Variants in CCL23 observed in about 807,000 individuals in gnomAD.
The protein encoded by CCL23 is C-C motif chemokine ligand 23.
CCL23 carries 10 observed loss-of-function variants against 11.8 expected under a neutral mutation model. That is an observed-to-expected ratio of 0.84 (90% confidence interval 0.52 to 1.43). The LOEUF is 1.43. CCL23 is among the 40% of genes most tolerant of loss of function. The pLI, the probability that CCL23 is intolerant of heterozygous loss-of-function variation, is 0.00. For synonymous variants in CCL23, 60 were observed against 61.0 expected, an observed-to-expected ratio of 0.98 and a Z score of 0.07; for missense variants, 181 against 170.9, an observed-to-expected ratio of 1.06 and a Z score of -0.33.
intron 1 of CCL23, among the ~76,000 whole-genome samples, chr17:36,017,044 T>C (rs1205011160): frequency 5.3e-5 from 8 of 152,120 alleles, no homozygotes; most frequent in Non-Finnish European, 2.9e-5. Flanking sequence ...AAAAAAAAGA[T>C]CTTAAATGGC....
rs184366839 is a variant in CCL23, at chr17:36,013,586, C to A, written c.302+158G>T. 85 of 686,018 alleles carry A rather than the reference C, an allele frequency of 1.2e-4. 1 individual carries two copies. The East Asian group carries it at 1.6e-3, about 13-fold the overall frequency. The allele number at this position is 686,018 out of a possible 1,614,324, so 42.5% of individuals were successfully genotyped here. A position where few individuals can be genotyped will look rare whatever the true frequency, so the allele number is the denominator to read the frequency against. ...CCTTTTCCCCCTGGGAGTGTCTCATCCCCGATGCCCTGCAGGATCTTCCTA... is the reference window on the plus strand; with the variant it reads ...CCTTTTCCCCCTGGGAGTGTCTCATACCCGATGCCCTGCAGGATCTTCCTA... On this transcript the variant is annotated intron_variant, in intron 3 of 3. Coordinates refer to ENST00000615050, the MANE Select transcript of CCL23 (RefSeq NM_005064.6).
chr17:36,015,355 G>T (rs961879297), intron 1 of CCL23, among the ~76,000 whole-genome samples: 2 of 152,138 alleles, frequency 1.3e-5, no homozygotes, highest in Non-Finnish European at 2.9e-5. Flanking sequence ...AGGCCAAATA[G>T]ATTCCATTGT....
At position 36,014,054 on chromosome 17, in the gene CCL23, G is replaced by A. The variant is rs963528541; in HGVS notation, c.137-145C>T. On this transcript the variant is annotated intron_variant, in intron 2 of 3. Transcript: ENST00000615050. The stretch of plus-strand genomic sequence containing the variant: ...TCAGGGTGGGCCAGAGCAGGACCAG[G>A]AAAATTTCCCCTAGAAGGGGAAGGC... 5.0e-6 allele frequency: 4 copies of A among 802,256 alleles called. No individual in the cohort carries two copies. In the Admixed American group the frequency reaches 7.8e-5, roughly 16 times the overall value. 49.7% of individuals were successfully genotyped at this position (802,256 alleles called of 1,614,324 possible).
chr17:36,013,972 G>T, intron 2 of CCL23, 63 bp from the exon 3 acceptor site: 2 of 1,505,640 alleles, frequency 1.3e-6, no homozygotes, highest in South Asian at 1.2e-5. Flanking sequence ...ACCAGCACTT[G>T]CTGGCATCTC....
chr17:36,014,333 C>G lies in CCL23; in HGVS notation c.136+1G>C. ...AATATATGCCGTATCTGATCACTTA[C>G]TGTCCAGAAGTACTGGATTTTCCAA... On this transcript the variant is annotated splice_donor_variant, in intron 2 of 3. Coordinates refer to ENST00000615050, the MANE Select transcript of CCL23 (RefSeq NM_005064.6). LOFTEE classifies it high-confidence loss of function. The G allele has an allele frequency of 6.2e-7, 1 of 1,604,216 alleles. No homozygotes were observed. The highest frequency in any genetic ancestry group is 1.3e-5 in the African/African-American group (1 of 74,870).
intron 3 of CCL23, 56 bp downstream of exon 3, chr17:36,013,688 C>T (rs765666000): frequency 5.1e-6 from 8 of 1,576,828 alleles, no homozygotes; most frequent in Non-Finnish European, 7.0e-6. Context: ...GTCCTCCCTG[C>T]AAGATGCTAC....
chr17:36,014,550 C>T (rs1475945758), intron 1 of CCL23, among the ~76,000 whole-genome samples, 157 bp from the exon 2 acceptor site: 1 of 152,182 alleles, frequency 6.6e-6, no homozygotes, highest in African/African-American at 2.4e-5. Flanking sequence ...ACTCCTGGCC[C>T]ATTTATTCCT....
At chr17:36,017,325 T>G (rs925793157) in intron 1 of CCL23, among the ~76,000 whole-genome samples, 3 of 152,200 alleles carry the variant, frequency 2.0e-5, no homozygotes, top group Non-Finnish European at 4.4e-5. Context: ...CTTAGAACAG[T>G]GCCTGCCCTG....
chr17:36,014,041 A>G (rs2090078939), intron 2 of CCL23, 132 bp from the exon 3 acceptor site: 2 of 909,450 alleles, frequency 2.2e-6, no homozygotes, highest in African/African-American at 1.7e-5. Flanking sequence ...AGGGTGGGCC[A>G]GAGCAGGACC....
In CCL23 at chr17:36,013,835, A is replaced by G; in HGVS notation, c.211T>C (p.Cys71Arg). 1 of 1,614,174 alleles carries G rather than the reference A, an allele frequency of 6.2e-7. No individual in the cohort carries two copies. Among genetic ancestry groups the G allele is most frequent in the Non-Finnish European group, 8.5e-7 (1 of 1,179,970 alleles). Reference sequence around the variant, plus strand: ...CTTCGTGGGGTGTAGGAGATGCAGCAGTCAGCACTAGTAGCATGGAATCCT... The same window carrying G: ...CTTCGTGGGGTGTAGGAGATGCAGCGGTCAGCACTAGTAGCATGGAATCCT... Reference protein sequence around the residue: ...AAGFHATSADCCISYTPRSIP... With the variant: ...AAGFHATSADRCISYTPRSIP... The change falls in exon 3 of 4, where the codon TGC becomes CGC. Residue 71 changes from cysteine to arginine, a missense_variant. Cys to Arg is a radical substitution (Grantham distance 180). Coordinates refer to ENST00000615050, the MANE Select transcript of CCL23 (RefSeq NM_005064.6).
intron 2 of CCL23, 30 bp from the exon 3 acceptor site, chr17:36,013,939 G>A (rs1719203): frequency 1.9e-6 from 3 of 1,608,838 alleles, no homozygotes; most frequent in Non-Finnish European, 2.6e-6. Flanking sequence ...ACATGGCTCA[G>A]AAGAGATGTT....
At chr17:36,013,687 G>A in intron 3 of CCL23, 57 bp downstream of exon 3, 2 of 1,572,978 alleles carry the variant, frequency 1.3e-6, no homozygotes, top group South Asian at 2.3e-5. Context: ...GGTCCTCCCT[G>A]CAAGATGCTA....
Sources: allele counts gnomAD v4.1 joint callset (sites outside exome capture counted in the v4.1 genomes callset), GRCh38; gene constraint gnomAD v4.1.1; transcripts MANE v1.5; gene names NCBI Gene and HGNC (gene_info 2026-07-23, HGNC 2026-07-21).